Variants in CLYBL observed in about 807,000 individuals in gnomAD.
CLYBL encodes the protein citramalyl-CoA lyase.
CLYBL carries 31 observed loss-of-function variants against 38.9 expected under a neutral mutation model. The observed-to-expected ratio is 0.80, with a 90% CI of 0.60 to 1.08. The LOEUF (loss-of-function observed/expected upper bound fraction) is 1.08, where lower values mean the gene tolerates loss of function less well. Among genes scored for constraint, CLYBL ranks in the 50% least tolerant of loss-of-function variants. CLYBL has a pLI of 0.00. For missense variants in CLYBL, 434 were observed against 411.6 expected (o/e 1.05, Z -0.47); for synonymous variants, 171 against 158.6 (o/e 1.08, Z -0.59).
intron 7 of CLYBL, among the ~76,000 whole-genome samples, chr13:99,874,429 T>C (rs1166778972): frequency 2.0e-5 from 3 of 152,236 alleles, no homozygotes; most frequent in Non-Finnish European, 4.4e-5. Flanking sequence ...TAAAAGTTAA[T>C]TCCATTTTTA....
At chr13:99,749,643 G>A (rs1020919648) in intron 1 of CLYBL, among the ~76,000 whole-genome samples, 5 of 152,214 alleles carry the variant, frequency 3.3e-5, no homozygotes, top group African/African-American at 1.2e-4. Flanking sequence ...CTTCATTGAG[G>A]TGTGATATAA....
intron 2 of CLYBL, among the ~76,000 whole-genome samples, chr13:99,819,421 TATATATATATA>T (rs1566340048): frequency 1.1e-3 from 11 of 10,090 alleles, no homozygotes; most frequent in African/African-American, 4.2e-3. Context: ...AAAATTTATA[TATATATATATA>T]TATATATATA....
chr13:99,874,893 C>T (rs2057489), intron 7 of CLYBL, among the ~76,000 whole-genome samples: 57,752 of 151,970 alleles, frequency 0.38, 13,605 homozygotes, highest in African/African-American at 0.66. Flanking sequence ...CAGAAGAATG[C>T]GAAGGAATAG....
At chr13:99,629,557 T>C (rs115525713) in intron 1 of CLYBL, among the ~76,000 whole-genome samples, 1,656 of 152,332 alleles carry the variant, frequency 0.011, 33 homozygotes, top group African/African-American at 0.038. Flanking sequence ...GCTCCTTCTC[T>C]GTACTGTGGA....
intron 1 of CLYBL, among the ~76,000 whole-genome samples, chr13:99,655,373 G>C (rs1316695172): frequency 6.6e-6 from 1 of 152,172 alleles, no homozygotes; most frequent in Non-Finnish European, 1.5e-5. Flanking sequence ...ACTGCGCCTG[G>C]CCTGGTGTTG....
chr13:99,798,155 G>A (rs1209452504), intron 2 of CLYBL, among the ~76,000 whole-genome samples: 1 of 152,162 alleles, frequency 6.6e-6, no homozygotes, highest in Admixed American at 6.5e-5. Flanking sequence ...CCTATCTGAA[G>A]AAGGAGGGAG....
At chr13:99,714,669 C>T (rs1445321933) in intron 1 of CLYBL, among the ~76,000 whole-genome samples, 2 of 150,418 alleles carry the variant, frequency 1.3e-5, no homozygotes, top group Non-Finnish European at 3.0e-5. Context: ...ACTTAAGGAC[C>T]AGGAGCAGTG....
In CLYBL at chr13:99,754,996, G is replaced by C. The variant is rs1163926054; in HGVS notation, c.63-17828G>C. Among the ~76,000 whole-genome samples, 25 of 150,924 alleles carry C rather than the reference G, an allele frequency of 1.7e-4. No homozygotes were observed. In the East Asian group the frequency reaches 3.6e-3, roughly 21 times the overall value. On this transcript the variant is annotated intron_variant, in intron 1 of 8. Coordinates refer to ENST00000339105, the MANE Select transcript of CLYBL (RefSeq NM_206808.5). ...CACTGCAAGCTCCGCCTCCCAGGTT[G>C]ACGCCATTCTCCTGCTTCAAACCCC...
At chr13:99,662,505 T>G (rs1056113399) in intron 1 of CLYBL, among the ~76,000 whole-genome samples, 1 of 122,812 alleles carries the variant, frequency 8.1e-6, no homozygotes, top group Non-Finnish European at 1.7e-5. Flanking sequence ...TCCAAATCTT[T>G]AAAACTTTTT....
chr13:99,608,370 G>T (rs2046566203), intron 1 of CLYBL, among the ~76,000 whole-genome samples: 1 of 152,196 alleles, frequency 6.6e-6, no homozygotes, highest in African/African-American at 2.4e-5. Context: ...ACCGTGCCCG[G>T]CCTGGGTCTG....
At chr13:99,744,565 G>A (rs903695944) in intron 1 of CLYBL, among the ~76,000 whole-genome samples, 2 of 152,114 alleles carry the variant, frequency 1.3e-5, no homozygotes, top group East Asian at 1.9e-4. Context: ...ACCTAAAATC[G>A]CTAAGCCCTC....
At chr13:99,884,862 G>A (rs1486424088) in intron 7 of CLYBL, 1 of 418,290 alleles carries the variant, frequency 2.4e-6, no homozygotes, top group East Asian at 7.1e-5. Context: ...ATTCAGCAGG[G>A]ATGTGTGACA....
chr13:99,797,591 T>TGTGTGTGTGTGTGTGTGTGTGTGTGTGTG (rs1566331106), intron 2 of CLYBL, among the ~76,000 whole-genome samples: 4 of 151,576 alleles, frequency 2.6e-5, no homozygotes, highest in South Asian at 2.1e-4. Flanking sequence ...TGTGTGTGTG[T>TGTGTGTGTGTGTGTGTGTGTGTGTGTGTG]TTAAACAACA....
intron 1 of CLYBL, among the ~76,000 whole-genome samples, chr13:99,764,004 A>G (rs981942331): frequency 6.6e-6 from 1 of 151,972 alleles, no homozygotes; most frequent in East Asian, 1.9e-4. Context: ...GGCCTCATAG[A>G]ATTAGCTTGG....
chr13:99,799,531 C>T (rs1193305108), intron 2 of CLYBL, among the ~76,000 whole-genome samples: 1 of 152,170 alleles, frequency 6.6e-6, no homozygotes, highest in African/African-American at 2.4e-5. Flanking sequence ...GCACGGGTAT[C>T]ATCTTAGCAG....
chr13:99,809,540 G>A (rs1007311839), intron 2 of CLYBL, among the ~76,000 whole-genome samples: 1 of 152,254 alleles, frequency 6.6e-6, no homozygotes, highest in Non-Finnish European at 1.5e-5. Flanking sequence ...AGACAGAGCT[G>A]TGTCTTCCTG....
intron 2 of CLYBL, among the ~76,000 whole-genome samples, chr13:99,840,052 G>A (rs2051032742): frequency 6.7e-6 from 1 of 148,530 alleles, no homozygotes; most frequent in African/African-American, 2.5e-5. Flanking sequence ...AGGAAGGGTA[G>A]CTACTCTGTG....
At chr13:99,872,388 G>A (rs761682964) in intron 7 of CLYBL, among the ~76,000 whole-genome samples, 1 of 152,138 alleles carries the variant, frequency 6.6e-6, no homozygotes, top group South Asian at 2.1e-4. Context: ...CTTGTGTTTA[G>A]TGTCCATTTT....
intron 2 of CLYBL, among the ~76,000 whole-genome samples, chr13:99,825,953 G>A (rs2050686996): frequency 6.6e-6 from 1 of 152,204 alleles, no homozygotes; most frequent in Non-Finnish European, 1.5e-5. Context: ...ACTGGACAAA[G>A]GGCTACAGAT....
Sources: allele counts gnomAD v4.1 joint callset (sites outside exome capture counted in the v4.1 genomes callset), GRCh38; gene constraint gnomAD v4.1.1; transcripts MANE v1.5; gene names NCBI Gene and HGNC (gene_info 2026-07-23, HGNC 2026-07-21).